DUSP3: variants seen among roughly 807,000 people sequenced by gnomAD.
The protein encoded by DUSP3 is dual specificity protein phosphatase 3.
DUSP3 carries 7 observed loss-of-function variants against 15.5 expected under a neutral mutation model. The ratio of observed to expected loss-of-function variants is 0.45; its 90% CI spans 0.26 to 0.85. The LOEUF is 0.85. DUSP3 is among the 40% of genes least tolerant of loss of function. The probability of loss-of-function intolerance (pLI) is 0.18; values close to 1 mark genes in which losing one functional copy is unlikely to be tolerated. For synonymous variants in DUSP3, 86 were observed against 104.2 expected (o/e 0.83, Z 1.07); for missense variants, 209 against 251.7 (o/e 0.83, Z 1.15).
At chr17:43,770,182 A>G (rs962511297) in intron 2 of DUSP3, among the ~76,000 whole-genome samples, 2 of 152,228 alleles carry the variant, frequency 1.3e-5, no homozygotes, top group Non-Finnish European at 2.9e-5. Flanking sequence ...GAATGTTCAC[A>G]GGCAACACTG....
At chr17:43,778,527 T>G (rs1974418736) in intron 1 of DUSP3, among the ~76,000 whole-genome samples, 1 of 151,632 alleles carries the variant, frequency 6.6e-6, no homozygotes, top group Admixed American at 6.5e-5. Context: ...CCCAAGCGGG[T>G]GGCGGCTGGG....
chr17:43,768,258 C>T lies in DUSP3; in HGVS notation c.*1351G>A, dbSNP rs184159844. The T allele has an allele frequency of 6.6e-6, 1 of 152,340 alleles. No individual in the cohort carries two copies. The highest frequency in any genetic ancestry group is 1.9e-4 in the East Asian group (1 of 5,190). The allele number at this position is 152,340 out of a possible 1,614,324, so 9.4% of individuals were successfully genotyped here. On this transcript the variant is annotated 3_prime_UTR_variant, in exon 3 of 3. Transcript: ENST00000226004. ...GTGACCCTGAAGATAAATAGCATCA[C>T]AATCACTTTCCATAATAACAATAAC...
rs1974258660 is a variant in DUSP3 at position 43,767,704 on chromosome 17, T to C, written c.*1905A>G. 6.6e-6 allele frequency: 1 copy of C among 152,262 alleles called. No homozygotes were observed. Among genetic ancestry groups the C allele is most frequent in the Admixed American group, 6.5e-5 (1 of 15,280 alleles). The allele number at this position is 152,262 out of a possible 1,614,324, so 9.4% of individuals were successfully genotyped here. Reference sequence around the variant, plus strand: ...AAGCTGTGCAGTGAGGTACCCAGTTTAGAGGATGGCCATTTCACTTAGGTG... The same window carrying C: ...AAGCTGTGCAGTGAGGTACCCAGTTCAGAGGATGGCCATTTCACTTAGGTG... On this transcript the variant is annotated 3_prime_UTR_variant, in exon 3 of 3. Transcript: ENST00000226004.
chr17:43,778,522 GC>G (rs1974418536), intron 1 of DUSP3, among the ~76,000 whole-genome samples: 1 of 152,188 alleles, frequency 6.6e-6, no homozygotes, highest in Admixed American at 6.5e-5. Flanking sequence ...CAAGCCCCAA[GC>G]GGGTGGCGGC....
intron 2 of DUSP3, among the ~76,000 whole-genome samples, chr17:43,774,504 A>G (rs1256379514): frequency 2.0e-5 from 3 of 152,184 alleles, no homozygotes; most frequent in Non-Finnish European, 2.9e-5. Context: ...TGGGGCTGCC[A>G]TGGTGTGAAT....
intron 1 of DUSP3, among the ~76,000 whole-genome samples, chr17:43,778,593 C>T (rs1974420416): frequency 6.6e-6 from 1 of 152,150 alleles, no homozygotes; most frequent in Non-Finnish European, 1.5e-5. Context: ...AGGGCCGCGC[C>T]CGGCCAGGCA....
At chr17:43,778,539 C>A (rs1368724132) in intron 1 of DUSP3, among the ~76,000 whole-genome samples, 3 of 152,176 alleles carry the variant, frequency 2.0e-5, no homozygotes, top group Non-Finnish European at 2.9e-5. Flanking sequence ...GCGGCTGGGA[C>A]CCGGGCAGGC....
intron 2 of DUSP3, among the ~76,000 whole-genome samples, chr17:43,772,884 C>T (rs1011833978): frequency 2.0e-5 from 3 of 152,144 alleles, no homozygotes; most frequent in East Asian, 3.9e-4. Context: ...CACACCTGGA[C>T]TGAGACAGGT....
intron 1 of DUSP3, among the ~76,000 whole-genome samples, chr17:43,776,603 G>A (rs1191045400): frequency 6.6e-6 from 1 of 152,242 alleles, no homozygotes; most frequent in Non-Finnish European, 1.5e-5. Context: ...CCTCCCTGTT[G>A]AGGAACCCCC....
chr17:43,770,089 C>T (rs919089317), intron 2 of DUSP3, among the ~76,000 whole-genome samples: 3 of 152,140 alleles, frequency 2.0e-5, no homozygotes, highest in Admixed American at 6.5e-5. Context: ...AAGCTGAACA[C>T]GTGCATCCCC....
At chr17:43,771,077 C>T (rs1160458942) in intron 2 of DUSP3, among the ~76,000 whole-genome samples, 1 of 151,264 alleles carries the variant, frequency 6.6e-6, no homozygotes, top group East Asian at 1.9e-4. Flanking sequence ...ATCCACAGGG[C>T]AGATTGGCTC....
intron 2 of DUSP3, among the ~76,000 whole-genome samples, chr17:43,772,375 C>T (rs896608021): frequency 1.3e-5 from 2 of 152,178 alleles, no homozygotes; most frequent in African/African-American, 4.8e-5. Flanking sequence ...GAGCAGCCAC[C>T]TTACCATCTA....
chr17:43,778,821 G>C lies in DUSP3; in HGVS notation c.104C>G (p.Pro35Arg). The C allele has an allele frequency of 6.5e-7, 1 of 1,538,866 alleles. No individual in the cohort carries two copies. The highest frequency in any genetic ancestry group is 8.7e-7 in the Non-Finnish European group (1 of 1,145,038). The change falls in exon 1 of 3, where the codon CCG becomes CGG. Residue 35 changes from proline to arginine, a missense_variant. Physicochemically the swap from Pro to Arg is moderately radical, Grantham distance 103. Coordinates refer to ENST00000226004, the MANE Select transcript of DUSP3 (RefSeq NM_004090.4). ...TCACGCGTTGCCCACGTAGATCCGC[G>C]GGGTGACCTCGTTGCAGGGCTGGCT... ...LPSQPCNEVT[P>R]RIYVGNASVA...
At chr17:43,772,193 C>G (rs552975154) in intron 2 of DUSP3, among the ~76,000 whole-genome samples, 1 of 152,288 alleles carries the variant, frequency 6.6e-6, no homozygotes, top group South Asian at 2.1e-4. Flanking sequence ...CCAACAGAGT[C>G]TCTTCTGCTC....
In DUSP3 at chr17:43,768,721, C is replaced by T. The variant is rs192909394; in HGVS notation, c.*888G>A. 4.6e-5 allele frequency: 7 copies of T among 151,698 alleles called. No individual in the cohort carries two copies. Among genetic ancestry groups the T allele is most frequent in the African/African-American group, 1.7e-4 (7 of 41,354 alleles). 9.4% of individuals were successfully genotyped at this position (151,698 alleles called of 1,614,324 possible). A position where few individuals can be genotyped will look rare whatever the true frequency, so the allele number is the denominator to read the frequency against. On this transcript the variant is annotated 3_prime_UTR_variant, in exon 3 of 3. Transcript: ENST00000226004. ...GAGTGGCTTGGGCTTGCCAACACTACAATTCAGGACAAAACCCTTGTAATT... is the reference window on the plus strand; with the variant it reads ...GAGTGGCTTGGGCTTGCCAACACTATAATTCAGGACAAAACCCTTGTAATT...
Position 43,767,811 on chromosome 17 carries a change from G to C in DUSP3, c.*1798C>G, listed in dbSNP as rs547195172. ...AGGGCTGCTGTGGTCACAGAGAAAA[G>C]CGGACAGCAAATGACCAGGCTGGGC... On this transcript the variant is annotated 3_prime_UTR_variant, in exon 3 of 3. Coordinates refer to ENST00000226004, the MANE Select transcript of DUSP3 (RefSeq NM_004090.4). The C allele has an allele frequency of 1.3e-5, 2 of 152,190 alleles. No homozygotes were observed. Among genetic ancestry groups the C allele is most frequent in the African/African-American group, 4.8e-5 (2 of 41,406 alleles). The allele number at this position is 152,190 out of a possible 1,614,324, so 9.4% of individuals were successfully genotyped here.
Position 43,778,976 on chromosome 17 carries a change from G to A in DUSP3, c.-52C>T. 2.3e-6 allele frequency: 3 copies of A among 1,299,370 alleles called. No homozygotes were observed. The South Asian group carries it at 6.3e-5, about 27-fold the overall frequency. 80.5% of individuals were successfully genotyped at this position (1,299,370 alleles called of 1,614,324 possible). A position where few individuals can be genotyped will look rare whatever the true frequency, so the allele number is the denominator to read the frequency against. The stretch of plus-strand genomic sequence containing the variant: ...GCAGGAGCAAGCGAGGCGGAGAGCG[G>A]CGGATCAGCTGGGCGGGGGCTCGCG... On this transcript the variant is annotated 5_prime_UTR_variant, in exon 1 of 3. Coordinates refer to ENST00000226004, the MANE Select transcript of DUSP3 (RefSeq NM_004090.4).
At chr17:43,771,204 C>T (rs1300781054) in intron 2 of DUSP3, among the ~76,000 whole-genome samples, 1 of 151,830 alleles carries the variant, frequency 6.6e-6, no homozygotes, top group African/African-American at 2.4e-5. Flanking sequence ...TAAATCATCT[C>T]CAGATGACTT....
intron 2 of DUSP3, 51 bp from the exon 3 acceptor site, chr17:43,769,865 T>C: frequency 1.3e-6 from 2 of 1,596,154 alleles, no homozygotes; most frequent in East Asian, 2.2e-5. Flanking sequence ...CATCACACCA[T>C]GGCGTTGGTC....
Sources: allele counts gnomAD v4.1 joint callset (sites outside exome capture counted in the v4.1 genomes callset), GRCh38; gene constraint gnomAD v4.1.1; transcripts MANE v1.5; gene names NCBI Gene and HGNC (gene_info 2026-07-23, HGNC 2026-07-21).